The following ACOX3 variants were observed in gnomAD, a reference collection of about 807,000 sequenced individuals.
The protein encoded by ACOX3 is peroxisomal acyl-coenzyme A oxidase 3.
Under a neutral mutation model 81.5 loss-of-function variants are expected in ACOX3, and 73 were observed. The observed-to-expected ratio is 0.90, with a 90% CI of 0.74 to 1.09. The LOEUF (loss-of-function observed/expected upper bound fraction) is 1.09. ACOX3 is among the 50% of genes least tolerant of loss of function. The pLI, the probability that ACOX3 is intolerant of heterozygous loss-of-function variation, is 0.00. For synonymous variants in ACOX3, 387 were observed against 375.1 expected (o/e 1.03, Z -0.37); for missense variants, 947 against 928.0 (o/e 1.02, Z -0.27).
chr4:8,365,524 C>T (rs965316498), downstream of ACOX3, among the ~76,000 whole-genome samples: 2 of 152,214 alleles, frequency 1.3e-5, no homozygotes, highest in African/African-American at 2.4e-5. Flanking sequence ...TGGTCCCGCT[C>T]GGCCACCTCC....
rs1205946517 is a variant in ACOX3 at position 8,406,245 on chromosome 4, G to A, written c.688-202C>T. ...GCTTATTTGGAAATAGGGTCCTGCA[G>A]ATATAATGAATTTAAGAGCATCAAG... is the stretch of plus-strand genomic sequence containing the variant. On this transcript the variant is annotated intron_variant, in intron 6 of 17. Transcript: ENST00000356406. This position sits in a 1 kb window ranked among gnomAD's most constrained non-coding sequence, Gnocchi z 5.6. Among the ~76,000 whole-genome samples the A allele has an allele frequency of 6.6e-6, 1 of 152,204 alleles. No homozygotes were observed. The highest frequency in any genetic ancestry group is 1.5e-5 in the Non-Finnish European group (1 of 68,044).
intron 1 of ACOX3, among the ~76,000 whole-genome samples, chr4:8,428,132 A>C (rs1198576513): frequency 6.6e-6 from 1 of 152,200 alleles, no homozygotes; most frequent in Non-Finnish European, 1.5e-5. Flanking sequence ...TCAATGTGTA[A>C]AGTCCTCCGA....
At position 8,394,644 on chromosome 4, in the gene ACOX3, T is replaced by A. The variant is rs201944522; in HGVS notation, c.1155A>T (p.Ala385=). The part of the protein sequence containing the change: ...LDLVELQRGL[A]SGDRSARQAE... ...CCTGTCTGGCGCTGCGGTCTCCCGA[T>A]GCAAGTCCTCGCTGGAGCTCCACCA... Residue 385 remains alanine, a synonymous_variant, in exon 10 of 18, where the codon GCA becomes GCT. Coordinates refer to ENST00000356406, the MANE Select transcript of ACOX3 (RefSeq NM_003501.3). This position sits in a 1 kb window ranked among gnomAD's most constrained non-coding sequence, Gnocchi z 5.9. 30 of 1,613,804 alleles carry A rather than the reference T, an allele frequency of 1.9e-5. 1 individual carries two copies. The East Asian group carries it at 6.2e-4, about 34-fold the overall frequency.
downstream of ACOX3, among the ~76,000 whole-genome samples, chr4:8,364,694 T>C (rs1319927846): frequency 6.6e-6 from 1 of 152,202 alleles, no homozygotes; most frequent in Non-Finnish European, 1.5e-5. The surrounding 1 kb of genome is among the most constrained non-coding windows in gnomAD (Gnocchi z 5.0). Flanking sequence ...GTCAAATGTG[T>C]TTTTTTCTGT....
At position 8,423,677 on chromosome 4, in the gene ACOX3, T is replaced by G. The variant is rs1025853971; in HGVS notation, c.-14-7142A>C. On this transcript the variant is annotated intron_variant, in intron 1 of 17. Transcript: ENST00000356406. This position sits in a 1 kb window ranked among gnomAD's most constrained non-coding sequence, Gnocchi z 4.2. ...GCTGTACCTAATCTTATACTCACTCTGCTTTCCCAAATACCAGAGGAAGCA... is the reference window on the plus strand; with the variant it reads ...GCTGTACCTAATCTTATACTCACTCGGCTTTCCCAAATACCAGAGGAAGCA... 2.0e-5 allele frequency among the ~76,000 whole-genome samples: 3 copies of G among 152,222 alleles called. No homozygotes were observed. Among genetic ancestry groups the G allele is most frequent in the Admixed American group, 1.3e-4 (2 of 15,280 alleles).
the ACOX3 span, among the ~76,000 whole-genome samples, chr4:8,359,544 G>A: frequency 6.6e-6 from 1 of 152,206 alleles, no homozygotes; most frequent in Admixed American, 6.5e-5. The surrounding 1 kb of genome is among the most constrained non-coding windows in gnomAD (Gnocchi z 6.0). Context: ...ATTCTCTTGG[G>A]ATTAATCTGC....
At position 8,382,256 on chromosome 4, in the gene ACOX3, AC is replaced by A. The variant is rs34671235; in HGVS notation, c.1538-650del. ...GGGGTGTCAGGCAGGACAGCTGGAG[AC>A]CCCCCTTCGTCCTCCCCTTCCCCTG... On this transcript the variant is annotated intron_variant, in intron 13 of 17. Coordinates refer to ENST00000356406, the MANE Select transcript of ACOX3 (RefSeq NM_003501.3). The surrounding 1 kb of genome is among the most constrained non-coding windows in gnomAD (Gnocchi z 4.1). Among the ~76,000 whole-genome samples, 2 of 151,632 alleles carry A rather than the reference AC, an allele frequency of 1.3e-5. No homozygotes were observed. The highest frequency in any genetic ancestry group is 4.9e-5 in the African/African-American group (2 of 41,216).
chr4:8,378,844 G>T (rs1247653610), intron 14 of ACOX3, among the ~76,000 whole-genome samples: 1 of 152,208 alleles, frequency 6.6e-6, no homozygotes, highest in Non-Finnish European at 1.5e-5. Flanking sequence ...AGGTCAAAGA[G>T]TAAGCACATT....
At position 8,389,531 on chromosome 4, in the gene ACOX3, G is replaced by T; in HGVS notation, c.1423+81C>A. On this transcript the variant is annotated intron_variant, in intron 12 of 17. Coordinates refer to ENST00000356406, the MANE Select transcript of ACOX3 (RefSeq NM_003501.3). The surrounding 1 kb of genome is among the most constrained non-coding windows in gnomAD (Gnocchi z 5.3). ...AAACCTAGGATGCATTCACAGAACAGCTGAATCAGTGAGGCCAGGAGAACC... is the reference window on the plus strand; with the variant it reads ...AAACCTAGGATGCATTCACAGAACATCTGAATCAGTGAGGCCAGGAGAACC... 6.3e-7 allele frequency: 1 copy of T among 1,590,324 alleles called. No individual in the cohort carries two copies. Among genetic ancestry groups the T allele is most frequent in the Non-Finnish European group, 8.6e-7 (1 of 1,164,524 alleles).
chr4:8,406,167 C>A lies in ACOX3; in HGVS notation c.688-124G>T, dbSNP rs982870004. ...AACGCTGGGCGGCTGTGGGTTAAAC[C>A]ATCCTCCAGAAATGATACATCCAAG... On this transcript the variant is annotated intron_variant, in intron 6 of 17. Transcript: ENST00000356406. The surrounding 1 kb of genome is among the most constrained non-coding windows in gnomAD (Gnocchi z 5.6). 65 of 857,984 alleles carry A rather than the reference C, an allele frequency of 7.6e-5. No individual in the cohort carries two copies. The highest frequency in any genetic ancestry group is 7.7e-6 in the Non-Finnish European group (4 of 521,530). The allele number at this position is 857,984 out of a possible 1,614,324, so 53.1% of individuals were successfully genotyped here.
chr4:8,377,498 C>T (rs1717122637), intron 14 of ACOX3, among the ~76,000 whole-genome samples: 1 of 152,236 alleles, frequency 6.6e-6, no homozygotes, highest in Admixed American at 6.5e-5. Context: ...GGCGTCATGG[C>T]TCCAAGCCTC....
chr4:8,392,976 T>TC (rs1719182984), intron 10 of ACOX3: 1 of 152,172 alleles, frequency 6.6e-6, no homozygotes, highest in African/African-American at 2.4e-5. Context: ...TCACCGTGCC[T>TC]CCCTCAGGCC....
intron 15 of ACOX3, 101 bp downstream of exon 15, chr4:8,374,877 T>A: frequency 3.1e-6 from 4 of 1,300,534 alleles, no homozygotes; most frequent in Non-Finnish European, 4.1e-6. Context: ...GCTCAGTGAG[T>A]CCCGTGGAAG....
intron 14 of ACOX3, among the ~76,000 whole-genome samples, chr4:8,376,816 G>A (rs1717027490): frequency 6.6e-6 from 1 of 151,692 alleles, no homozygotes; most frequent in Non-Finnish European, 1.5e-5. Context: ...GGCAGGATCT[G>A]GACTTGCTCT....
intron 16 of ACOX3, among the ~76,000 whole-genome samples, chr4:8,371,216 CT>C (rs1716151201): frequency 6.6e-6 from 1 of 152,196 alleles, no homozygotes; most frequent in African/African-American, 2.4e-5. Flanking sequence ...CTCAGGACTT[CT>C]AGGGCTTGTT....
At position 8,414,242 on chromosome 4, in the gene ACOX3, G is replaced by A. The variant is rs781102754; in HGVS notation, c.543+50C>T. The A allele has an allele frequency of 2.0e-6, 3 of 1,480,442 alleles. No homozygotes were observed. The highest frequency in any genetic ancestry group is 2.8e-6 in the Non-Finnish European group (3 of 1,060,546). The allele number at this position is 1,480,442 out of a possible 1,614,324, so 91.7% of individuals were successfully genotyped here. ...TCTGGGCAACGGCATTTGCACTCAT[G>A]ACGTCTCATATGCTCCAAACTCAGG... On this transcript the variant is annotated intron_variant, in intron 5 of 17. Transcript: ENST00000356406. The surrounding 1 kb of genome is among the most constrained non-coding windows in gnomAD (Gnocchi z 6.1).
At chr4:8,436,605 T>C (rs369879390) in intron 1 of ACOX3, among the ~76,000 whole-genome samples, 66 of 152,202 alleles carry the variant, frequency 4.3e-4, no homozygotes, top group African/African-American at 1.6e-3. Context: ...GCAATTAATA[T>C]AAAAAAGATT....
rs1723884806 is a variant in ACOX3, at chr4:8,430,323, G to A, written c.-15+10325C>T. On this transcript the variant is annotated intron_variant, in intron 1 of 17. Transcript: ENST00000356406. The surrounding 1 kb of genome is among the most constrained non-coding windows in gnomAD (Gnocchi z 5.2). ...TAGTCTAGACTAGCCTTCCCAGCCA[G>A]GGGTCTATTGTGTTTTTGCAAAGGT... 6.6e-6 allele frequency among the ~76,000 whole-genome samples: 1 copy of A among 152,232 alleles called. No individual in the cohort carries two copies. The highest frequency in any genetic ancestry group is 1.5e-5 in the Non-Finnish European group (1 of 68,042).
Position 8,406,740 on chromosome 4 carries a change from T to C in ACOX3, c.688-697A>G, listed in dbSNP as rs1265487074. Among the ~76,000 whole-genome samples, 2 of 152,196 alleles carry C rather than the reference T, an allele frequency of 1.3e-5. No homozygotes were observed. The highest frequency in any genetic ancestry group is 2.1e-4 in the South Asian group (1 of 4,834). On this transcript the variant is annotated intron_variant, in intron 6 of 17. Coordinates refer to ENST00000356406, the MANE Select transcript of ACOX3 (RefSeq NM_003501.3). The surrounding 1 kb of genome is among the most constrained non-coding windows in gnomAD (Gnocchi z 5.6). Reference sequence around the variant, plus strand: ...GAGAGAAAGACAGCTTACGCCATTATTTCTGCTTATTAGAGACTTTTAGTA... The same window carrying C: ...GAGAGAAAGACAGCTTACGCCATTACTTCTGCTTATTAGAGACTTTTAGTA...
Sources: allele counts gnomAD v4.1 joint callset (sites outside exome capture counted in the v4.1 genomes callset), GRCh38; gene constraint gnomAD v4.1.1; non-coding constraint Gnocchi (gnomAD v3.1); transcripts MANE v1.5; gene names NCBI Gene and HGNC (gene_info 2026-07-23, HGNC 2026-07-21).